The following MGRN1 variants were observed in gnomAD, a reference collection of about 807,000 sequenced individuals.
MGRN1 encodes the protein mahogunin ring finger 1.
Under a neutral mutation model 69.2 loss-of-function variants are expected in MGRN1, and 29 were observed. That is an observed-to-expected ratio of 0.42 (90% confidence interval 0.31 to 0.57). MGRN1 has a LOEUF of 0.57. Ranked by LOEUF, MGRN1 falls within the 20% of genes least tolerant of loss-of-function variation. MGRN1 has a pLI of 0.15. For missense variants in MGRN1, 998 were observed against 796.2 expected (o/e 1.25, Z -3.05); for synonymous variants, 470 against 344.2 (o/e 1.37, Z -4.04).
chr16:4,679,957 A>G, intron 11 of MGRN1, 75 bp from the exon 12 acceptor site: 1 of 1,389,808 alleles, frequency 7.2e-7, no homozygotes, highest in Non-Finnish European at 1.0e-6. Context: ...GAGGACAGCC[A>G]GTCAGACCTG....
At chr16:4,646,911 C>T (rs533279430) in intron 1 of MGRN1, among the ~76,000 whole-genome samples, 4 of 152,056 alleles carry the variant, frequency 2.6e-5, no homozygotes, top group African/African-American at 9.7e-5. Context: ...CCCAGTGCCT[C>T]GGCCTGGAAG....
At chr16:4,680,480 G>C (rs952698382) in intron 12 of MGRN1, 1 of 212,722 alleles carries the variant, frequency 4.7e-6, no homozygotes, top group African/African-American at 2.4e-5. Flanking sequence ...TTTACCCTGC[G>C]GGTTCGAGCT....
rs990631309 is a variant in MGRN1, at chr16:4,681,646, C to T, written c.1228C>T (p.Leu410Phe). The change falls in exon 13 of 17, where the codon CTT becomes TTT. Residue 410 changes from leucine (L) to phenylalanine (F), a missense_variant. Coordinates refer to ENST00000262370, the MANE Select transcript of MGRN1 (RefSeq NM_015246.4). ...AVSPAIPSAPLYEEITYSGIS... is the reference protein window; with the variant it reads ...AVSPAIPSAPFYEEITYSGIS... ...CTCCCCGGCCATCCCCTCGGCCCCT[C>T]TTTATGAAGAAATCACCTATTCAGG... is the stretch of plus-strand genomic sequence containing the variant. The T allele has an allele frequency of 1.2e-6, 2 of 1,613,432 alleles. No homozygotes were observed. Among genetic ancestry groups the T allele is most frequent in the South Asian group, 1.1e-5 (1 of 91,094 alleles).
Position 4,680,115 on chromosome 16 carries a change from C to G in MGRN1, c.1131+18C>G, listed in dbSNP as rs113109712. 53 of 1,612,686 alleles carry G rather than the reference C, an allele frequency of 3.3e-5. No homozygotes were observed. In the Middle Eastern group the frequency reaches 5.0e-4, roughly 15 times the overall value. Reference sequence around the variant, plus strand: ...GGGAAACAGTAAGTGTCTGGTCCTCCGGCTACGTTTTTTTGCCCCCGCCCT... The same window carrying G: ...GGGAAACAGTAAGTGTCTGGTCCTCGGGCTACGTTTTTTTGCCCCCGCCCT... On this transcript the variant is annotated intron_variant, in intron 12 of 16. Transcript: ENST00000262370.
In MGRN1 at chr16:4,683,036, C is replaced by T. The variant is rs988751485; in HGVS notation, c.1482+90C>T. 5.8e-5 allele frequency: 85 copies of T among 1,475,586 alleles called. No homozygotes were observed. The Middle Eastern group carries it at 9.4e-4, about 16-fold the overall frequency. The allele number at this position is 1,475,586 out of a possible 1,614,324, so 91.4% of individuals were successfully genotyped here. A position where few individuals can be genotyped will look rare whatever the true frequency, so the allele number is the denominator to read the frequency against. On this transcript the variant is annotated intron_variant, in intron 14 of 16. Coordinates refer to ENST00000262370, the MANE Select transcript of MGRN1 (RefSeq NM_015246.4). The stretch of plus-strand genomic sequence containing the variant: ...TGGAATCAGACCCCATCCCACTGCC[C>T]GCCTGGGCGCCCCCGTGCTTGTTGG...
intron 1 of MGRN1, among the ~76,000 whole-genome samples, chr16:4,629,882 C>G (rs569477419): frequency 2.6e-5 from 4 of 151,660 alleles, no homozygotes; most frequent in East Asian, 1.9e-4. Flanking sequence ...CTCGTCTCTA[C>G]TAAAAATACA....
intron 5 of MGRN1, among the ~76,000 whole-genome samples, chr16:4,660,388 G>A (rs1216006201): frequency 2.6e-5 from 4 of 152,226 alleles, no homozygotes; most frequent in Admixed American, 6.5e-5. Context: ...GAGTGGGAGA[G>A]AAGGCTATAG....
intron 16 of MGRN1, chr16:4,687,988 G>A (rs1488735935): frequency 8.1e-6 from 8 of 985,490 alleles, no homozygotes; most frequent in Non-Finnish European, 2.4e-6. Flanking sequence ...CCGTGCGAAT[G>A]TCACGATTCA....
intron 1 of MGRN1, chr16:4,639,999 A>T (rs2078122333): frequency 6.6e-6 from 1 of 152,246 alleles, no homozygotes; most frequent in Non-Finnish European, 1.5e-5. Flanking sequence ...GTGCACTCAG[A>T]TGGCCTGTGC....
intron 7 of MGRN1, among the ~76,000 whole-genome samples, 194 bp downstream of exon 7, chr16:4,665,345 A>G (rs1461123033): frequency 6.7e-6 from 1 of 148,694 alleles, no homozygotes. Context: ...TGCCGCTGTC[A>G]GGAGGCTTAG....
In MGRN1 at chr16:4,627,591, T is replaced by G. The variant is rs140724929; in HGVS notation, c.88+2543T>G. Among the ~76,000 whole-genome samples, 802 of 151,656 alleles carry G rather than the reference T, an allele frequency of 5.3e-3. 11 individuals carry two copies. Among genetic ancestry groups the G allele is most frequent in the Middle Eastern group, 0.021 (6 of 292 alleles). ...TCACAAGGTCAGGAGATGGAGACCA[T>G]CCTGGCTAACACGGGGAAACCCCGT... On this transcript the variant is annotated intron_variant, in intron 1 of 16. Transcript: ENST00000262370.
chr16:4,663,106 C>T (rs1485236290), intron 5 of MGRN1, among the ~76,000 whole-genome samples: 1 of 152,220 alleles, frequency 6.6e-6, no homozygotes, highest in Non-Finnish European at 1.5e-5. Flanking sequence ...CTGTGTCGCC[C>T]AGGCTGGAGT....
chr16:4,655,986 G>A lies in MGRN1; in HGVS notation c.444-1260G>A, dbSNP rs117315965. ...GCCTCCAACCATGCTGGGCTCTGGC[G>A]GCCATGGCAGGCCTCTTCTGCCTTT... On this transcript the variant is annotated intron_variant, in intron 4 of 16. Coordinates refer to ENST00000262370, the MANE Select transcript of MGRN1 (RefSeq NM_015246.4). Among the ~76,000 whole-genome samples, 747 of 152,328 alleles carry A rather than the reference G, an allele frequency of 4.9e-3. 5 individuals carry two copies. Among genetic ancestry groups the A allele is most frequent in the Middle Eastern group, 0.01 (3 of 294 alleles).
At chr16:4,669,878 C>T (rs971456974) in intron 8 of MGRN1, among the ~76,000 whole-genome samples, 2 of 151,808 alleles carry the variant, frequency 1.3e-5, no homozygotes, top group Admixed American at 6.6e-5. Context: ...AAGTAGGCAC[C>T]GAGAATTTAG....
chr16:4,675,134 G>A (rs748280760), intron 10 of MGRN1, among the ~76,000 whole-genome samples: 4 of 151,814 alleles, frequency 2.6e-5, no homozygotes, highest in Non-Finnish European at 5.9e-5. Flanking sequence ...CACCATGCCC[G>A]GCTATTTTGT....
rs371552701 is a variant in MGRN1 at position 4,677,428 on chromosome 16, G to T, written c.956-35G>T. 6.0e-6 allele frequency: 9 copies of T among 1,496,014 alleles called. No individual in the cohort carries two copies. The East Asian group carries it at 1.2e-4, about 20-fold the overall frequency. The allele number at this position is 1,496,014 out of a possible 1,614,324, so 92.7% of individuals were successfully genotyped here. A position where few individuals can be genotyped will look rare whatever the true frequency, so the allele number is the denominator to read the frequency against. On this transcript the variant is annotated intron_variant, in intron 10 of 16. Transcript: ENST00000262370. ...GGGTCCCCTCGGGGCTGGGTGTGTCGCCTGGGCCTGATCTGAGCCCTCCTT... is the reference window on the plus strand; with the variant it reads ...GGGTCCCCTCGGGGCTGGGTGTGTCTCCTGGGCCTGATCTGAGCCCTCCTT...
intron 10 of MGRN1, among the ~76,000 whole-genome samples, chr16:4,674,813 T>A (rs2079021071): frequency 6.8e-6 from 1 of 146,914 alleles, no homozygotes; most frequent in African/African-American, 2.5e-5. Flanking sequence ...GCTAATTTTT[T>A]GTATTTTTAG....
chr16:4,663,362 C>CTTTTT (rs1280170412), intron 5 of MGRN1, among the ~76,000 whole-genome samples: 2 of 52,872 alleles, frequency 3.8e-5, no homozygotes, highest in Admixed American at 2.4e-4. Context: ...GGCACCTGGC[C>CTTTTT]TTGTTTTTTT....
chr16:4,662,136 C>G (rs1290933194), intron 5 of MGRN1, among the ~76,000 whole-genome samples: 5 of 152,194 alleles, frequency 3.3e-5, no homozygotes, highest in East Asian at 1.9e-4. Flanking sequence ...CGCTGTAACT[C>G]CTTTCTTCTC....
Sources: gnomAD v4.1 joint callset for allele counts (sites outside exome capture counted in the v4.1 genomes callset) on GRCh38, gnomAD v4.1.1 for gene constraint, MANE v1.5 for transcripts, NCBI Gene and HGNC (gene_info 2026-07-23, HGNC 2026-07-21) for gene names.